OR1A1: variants seen among roughly 807,000 people sequenced by gnomAD.
The protein encoded by OR1A1 is olfactory receptor family 1 subfamily A member 1.
For synonymous variants in OR1A1, 145 were observed against 147.8 expected (o/e 0.98, Z 0.13); for missense variants, 391 against 379.9 (o/e 1.03, Z -0.24).
chr17:3,215,517 C>T (rs2048461900), intron 3 of OR1A1, 99 bp from the exon 4 acceptor site: 1 of 853,352 alleles, frequency 1.2e-6, no homozygotes, highest in East Asian at 2.6e-5. Flanking sequence ...GGTGTATACA[C>T]AGCTGAATCA....
chr17:3,216,390 C>T lies in OR1A1; in HGVS notation c.770C>T (p.Thr257Met), dbSNP rs373533523. 2.2e-5 allele frequency: 35 copies of T among 1,614,158 alleles called. No individual in the cohort carries two copies. Among genetic ancestry groups the T allele is most frequent in the Middle Eastern group, 1.6e-4 (1 of 6,062 alleles). Reference sequence around the variant, plus strand: ...TTGTATTATGGTACAGTCATGGGCACGTATTTCCGCCCTTTGACCAATTAT... The same window carrying T: ...TTGTATTATGGTACAGTCATGGGCATGTATTTCCGCCCTTTGACCAATTAT... ...VSLYYGTVMG[T>M]YFRPLTNYSL... is the part of the protein sequence containing the mutation. The change falls in exon 4 of 4, where the codon ACG (threonine) becomes ATG (methionine). Residue 257 changes from threonine to methionine, a missense_variant. Physicochemically the swap from Thr to Met is moderately conservative, Grantham distance 81. Transcript: ENST00000641732.
At chr17:3,214,181 G>C (rs1351191894) in intron 3 of OR1A1, 1 of 152,138 alleles carries the variant, frequency 6.6e-6, no homozygotes, top group East Asian at 1.9e-4. Flanking sequence ...AAAATATTAA[G>C]AGAAAACTTA....
In OR1A1 at chr17:3,216,917, A is replaced by G. The variant is rs1597294167; in HGVS notation, c.*367A>G. ...ATAGCTCATGCTTCCAAGATTATAA[A>G]TCACTATTCATGTGTCCATTTTTAT... On this transcript the variant is annotated 3_prime_UTR_variant, in exon 4 of 4. Coordinates refer to ENST00000641732, the MANE Select transcript of OR1A1 (RefSeq NM_014565.3). The G allele has an allele frequency of 5.6e-6, 1 of 178,846 alleles. No homozygotes were observed. Among genetic ancestry groups the G allele is most frequent in the East Asian group, 1.4e-4 (1 of 6,938 alleles). The allele number at this position is 178,846 out of a possible 1,614,324, so 11.1% of individuals were successfully genotyped here.
In OR1A1 at chr17:3,217,850, T is replaced by C. The variant is rs1358175777; in HGVS notation, c.*1300T>C. On this transcript the variant is annotated 3_prime_UTR_variant, in exon 4 of 4. Coordinates refer to ENST00000641732, the MANE Select transcript of OR1A1 (RefSeq NM_014565.3). ...TTAGAAGAAAACGTAGGCAATACCA[T>C]TCAGGACATAGGCATGGGCAAACTT... The C allele has an allele frequency of 3.9e-5, 6 of 152,174 alleles. No individual in the cohort carries two copies. The highest frequency in any genetic ancestry group is 1.4e-4 in the African/African-American group (6 of 41,430). 9.4% of individuals were successfully genotyped at this position (152,174 alleles called of 1,614,324 possible). A position where few individuals can be genotyped will look rare whatever the true frequency, so the allele number is the denominator to read the frequency against.
chr17:3,216,316 C>T lies in OR1A1; in HGVS notation c.696C>T (p.Gly232=), dbSNP rs372852176. The part of the protein sequence containing the change: ...STVFQVPSTK[G]VLKAFSTCGS... ...TCTTCCAGGTTCCTTCCACCAAGGGCGTGCTCAAGGCCTTCTCCACCTGTG... is the reference window on the plus strand; with the variant it reads ...TCTTCCAGGTTCCTTCCACCAAGGGTGTGCTCAAGGCCTTCTCCACCTGTG... The change falls in exon 4 of 4, where the codon GGC becomes GGT. Residue 232 remains glycine, a synonymous_variant. Coordinates refer to ENST00000641732, the MANE Select transcript of OR1A1 (RefSeq NM_014565.3). 2.8e-4 allele frequency: 452 copies of T among 1,614,200 alleles called. 1 individual carries two copies. In the South Asian group the frequency reaches 4.2e-3, roughly 15 times the overall value.
rs1472640637 is a variant in OR1A1, at chr17:3,217,479, A to T, written c.*929A>T. 1.3e-5 allele frequency: 2 copies of T among 152,220 alleles called. No individual in the cohort carries two copies. Among genetic ancestry groups the T allele is most frequent in the Non-Finnish European group, 2.9e-5 (2 of 68,040 alleles). 9.4% of individuals were successfully genotyped at this position (152,220 alleles called of 1,614,324 possible). A position where few individuals can be genotyped will look rare whatever the true frequency, so the allele number is the denominator to read the frequency against. On this transcript the variant is annotated 3_prime_UTR_variant, in exon 4 of 4. Coordinates refer to ENST00000641732, the MANE Select transcript of OR1A1 (RefSeq NM_014565.3). Reference sequence around the variant, plus strand: ...GAGCCCGTATATCCAAGACAATCATAAGCAAAAAGAACAAAGCTACAGGCA... The same window carrying T: ...GAGCCCGTATATCCAAGACAATCATTAGCAAAAAGAACAAAGCTACAGGCA...
rs959546296 is a variant in OR1A1 at position 3,209,000 on chromosome 17, T to C, written c.-139+2T>C. 4 of 151,800 alleles carry C rather than the reference T, an allele frequency of 2.6e-5. No individual in the cohort carries two copies. Among genetic ancestry groups the C allele is most frequent in the African/African-American group, 9.7e-5 (4 of 41,386 alleles). 9.4% of individuals were successfully genotyped at this position (151,800 alleles called of 1,614,324 possible). ...TAGATTATACAAATGGAACATTAGG[T>C]ATTTGCTCCAACTGTTTCTTTTTAA... On this transcript the variant is annotated splice_donor_variant, in intron 2 of 3. Coordinates refer to ENST00000641732, the MANE Select transcript of OR1A1 (RefSeq NM_014565.3). LOFTEE classifies it low-confidence loss of function (5UTR_SPLICE).
At position 3,216,166 on chromosome 17, in the gene OR1A1, C is replaced by A; in HGVS notation, c.546C>A (p.Thr182=). Residue 182 remains threonine, a synonymous_variant, in exon 4 of 4, where the codon ACC becomes ACA. Coordinates refer to ENST00000641732, the MANE Select transcript of OR1A1 (RefSeq NM_014565.3). ...QEVANFYCDI[T]PLLKLSCSDI... ...TGGCCAACTTCTACTGTGACATTAC[C>A]CCCTTGCTGAAGTTATCCTGTTCTG... is the stretch of plus-strand genomic sequence containing the variant. 1 of 1,614,126 alleles carries A rather than the reference C, an allele frequency of 6.2e-7. No homozygotes were observed. The highest frequency in any genetic ancestry group is 8.5e-7 in the Non-Finnish European group (1 of 1,180,016).
At chr17:3,212,690 T>C (rs1329402639) in intron 3 of OR1A1, 91 bp downstream of exon 3, 1 of 152,206 alleles carries the variant, frequency 6.6e-6, no homozygotes, top group African/African-American at 2.4e-5. Flanking sequence ...TACATCATAA[T>C]TATGAAATGG....
At chr17:3,210,293 T>C (rs1036242716) in intron 2 of OR1A1, among the ~76,000 whole-genome samples, 9 of 152,174 alleles carry the variant, frequency 5.9e-5, no homozygotes, top group Non-Finnish European at 1.3e-4. Context: ...TCCACCCATG[T>C]GCTACAGTTT....
At chr17:3,211,069 T>G (rs976246381) in intron 2 of OR1A1, among the ~76,000 whole-genome samples, 1 of 152,220 alleles carries the variant, frequency 6.6e-6, no homozygotes, top group Non-Finnish European at 1.5e-5. Flanking sequence ...GATAACCAAC[T>G]GTCCAATGAC....
chr17:3,213,775 G>C (rs1013944314), intron 3 of OR1A1: 3 of 152,206 alleles, frequency 2.0e-5, no homozygotes, highest in African/African-American at 7.2e-5. Flanking sequence ...ACTGGGACAC[G>C]TGTGGAATGG....
rs754593164 is a variant in OR1A1 at position 3,215,797 on chromosome 17, G to A, written c.177G>A (p.Met59Ile). 1 of 1,614,070 alleles carries A rather than the reference G, an allele frequency of 6.2e-7. No homozygotes were observed. Among genetic ancestry groups the A allele is most frequent in the East Asian group, 2.2e-5 (1 of 44,876 alleles). Reference protein sequence around the residue: ...ICSDVRLHNPMYFLLANLSLV... With the variant: ...ICSDVRLHNPIYFLLANLSLV... ...CTGATGTTCGCCTTCACAACCCCAT[G>A]TATTTTCTCCTTGCCAACCTCTCCT... is the stretch of plus-strand genomic sequence containing the variant. Residue 59 changes from methionine to isoleucine, a missense_variant, in exon 4 of 4, where the codon ATG (methionine) becomes ATA (isoleucine). Met to Ile is a conservative substitution (Grantham distance 10). Transcript: ENST00000641732.
At position 3,215,938 on chromosome 17, in the gene OR1A1, C is replaced by T. The variant is rs776741779; in HGVS notation, c.318C>T (p.Ala106=). 44 of 1,614,138 alleles carry T rather than the reference C, an allele frequency of 2.7e-5. No homozygotes were observed. The highest frequency in any genetic ancestry group is 3.4e-5 in the Non-Finnish European group (40 of 1,180,018). The change falls in exon 4 of 4, where the codon GCC becomes GCT. Residue 106 remains alanine, a synonymous_variant. Coordinates refer to ENST00000641732, the MANE Select transcript of OR1A1 (RefSeq NM_014565.3). ...GCLTQMYFMI[A]LGNTDSYILA... ...TAACGCAGATGTATTTCATGATAGCCTTGGGTAACACAGACAGCTATATTT... is the reference window on the plus strand; with the variant it reads ...TAACGCAGATGTATTTCATGATAGCTTTGGGTAACACAGACAGCTATATTT...
chr17:3,216,550 A>T lies in OR1A1; in HGVS notation c.930A>T (p.Ter310TyrextTer3). ...RKLFNKRISS[*>Y] ...TCTTCAACAAGAGAATCTCCTCGTA[A>T]CCAATGTGAGGGCCTACATTGGATA... The change falls in exon 4 of 4, where the codon TAA becomes TAT. Residue 310 changes from the stop codon to tyrosine, a stop_lost. Coordinates refer to ENST00000641732, the MANE Select transcript of OR1A1 (RefSeq NM_014565.3). 6.2e-7 allele frequency: 1 copy of T among 1,606,446 alleles called. No individual in the cohort carries two copies. Among genetic ancestry groups the T allele is most frequent in the Non-Finnish European group, 8.5e-7 (1 of 1,174,964 alleles).
chr17:3,215,640 C>T lies in OR1A1; in HGVS notation c.20C>T (p.Ser7Phe), dbSNP rs2150597179. 1 of 1,613,464 alleles carries T rather than the reference C, an allele frequency of 6.2e-7. No individual in the cohort carries two copies. Among genetic ancestry groups the T allele is most frequent in the Non-Finnish European group, 8.5e-7 (1 of 1,179,510 alleles). Residue 7 changes from serine to phenylalanine, a missense_variant, in exon 4 of 4, where the codon TCC becomes TTC. Transcript: ENST00000641732. ...GAAGCCATGAGGGAAAATAACCAGT[C>T]CTCTACACTGGAATTCATCCTCCTG... MRENNQ[S>F]STLEFILLGV...
Position 3,215,678 on chromosome 17 carries a change from C to T in OR1A1, c.58C>T (p.Gln20Ter). The T allele has an allele frequency of 6.2e-7, 1 of 1,614,110 alleles. No individual in the cohort carries two copies. Among genetic ancestry groups the T allele is most frequent in the East Asian group, 2.2e-5 (1 of 44,880 alleles). ...ATTCATCCTCCTGGGAGTTACTGGT[C>T]AGCAGGAACAGGAAGATTTCTTCTA... is the stretch of plus-strand genomic sequence containing the variant. Reference protein sequence around the residue: ...LEFILLGVTGQQEQEDFFYIL... With the variant: ...LEFILLGVTG The change falls in exon 4 of 4, where the codon CAG becomes TAG. Residue 20 changes from glutamine to a stop codon, truncating the protein, a stop_gained. Coordinates refer to ENST00000641732, the MANE Select transcript of OR1A1 (RefSeq NM_014565.3). LOFTEE classifies it low-confidence loss of function (END_TRUNC).
chr17:3,215,508 G>T, intron 3 of OR1A1, 108 bp from the exon 4 acceptor site: 2 of 759,208 alleles, frequency 2.6e-6, no homozygotes, highest in Non-Finnish European at 2.1e-6. Flanking sequence ...ATAAACTCAG[G>T]TGTATACACA....
rs1334961848 is a variant in OR1A1, at chr17:3,216,512, G to A, written c.892G>A (p.Ala298Thr). 6.2e-7 allele frequency: 1 copy of A among 1,613,508 alleles called. No homozygotes were observed. Among genetic ancestry groups the A allele is most frequent in the East Asian group, 2.2e-5 (1 of 44,882 alleles). Residue 298 changes from alanine (A) to threonine (T), a missense_variant, in exon 4 of 4, where the codon GCC becomes ACC. Physicochemically the swap from Ala to Thr is moderately conservative, Grantham distance 58. Coordinates refer to ENST00000641732, the MANE Select transcript of OR1A1 (RefSeq NM_014565.3). ...YSLRNRDMKA[A>T]LRKLFNKRIS... Reference sequence around the variant, plus strand: ...TCTGAGAAATCGGGACATGAAGGCTGCCCTGCGGAAACTCTTCAACAAGAG... The same window carrying A: ...TCTGAGAAATCGGGACATGAAGGCTACCCTGCGGAAACTCTTCAACAAGAG...
Sources: allele counts gnomAD v4.1 joint callset (sites outside exome capture counted in the v4.1 genomes callset), GRCh38; gene constraint gnomAD v4.1.1; transcripts MANE v1.5; gene names NCBI Gene and HGNC (gene_info 2026-07-23, HGNC 2026-07-21).